Variants in SIK3 observed in about 807,000 individuals in gnomAD.
SIK3 encodes the protein SIK family kinase 3.
In SIK3, 28 loss-of-function variants were observed where a neutral mutation model predicts 144.2. The ratio of observed to expected loss-of-function variants is 0.19; its 90% CI spans 0.14 to 0.27. The LOEUF (loss-of-function observed/expected upper bound fraction) is 0.27. Among genes scored for constraint, SIK3 ranks in the 10% least tolerant of loss-of-function variants. The pLI, the probability that SIK3 is intolerant of heterozygous loss-of-function variation, is 1.00. For missense variants in SIK3, 1,319 were observed against 1,776.0 expected (o/e 0.74, Z 4.62); for synonymous variants, 686 against 676.3 (o/e 1.01, Z -0.22).
intron 1 of SIK3, among the ~76,000 whole-genome samples, chr11:116,996,814 T>G (rs1301889612): frequency 1.3e-5 from 1 of 77,846 alleles, no homozygotes; most frequent in Non-Finnish European, 2.2e-5. Context: ...AGGGAGACTC[T>G]CTCTCAAAAA....
intron 14 of SIK3, among the ~76,000 whole-genome samples, 182 bp from the exon 15 acceptor site, chr11:116,868,271 G>C (rs1943762957): frequency 6.6e-6 from 1 of 152,230 alleles, no homozygotes; most frequent in Non-Finnish European, 1.5e-5. Context: ...AACAGAAGTT[G>C]GCTTGACAAT....
At chr11:116,908,428 G>A (rs746297501) in intron 4 of SIK3, among the ~76,000 whole-genome samples, 1 of 152,136 alleles carries the variant, frequency 6.6e-6, no homozygotes, top group Non-Finnish European at 1.5e-5. Context: ...GCTGTGGGCT[G>A]TGATCACGCC....
chr11:117,078,111 G>C (rs2136036539), intron 1 of SIK3, among the ~76,000 whole-genome samples: 1 of 152,306 alleles, frequency 6.6e-6, no homozygotes, highest in South Asian at 2.1e-4. Flanking sequence ...TGTTCCATTA[G>C]CTCAGTTCCC....
At position 116,870,330 on chromosome 11, in the gene SIK3, C is replaced by T; in HGVS notation, c.1808+1G>A. On this transcript the variant is annotated splice_donor_variant, in intron 14 of 24. Coordinates refer to ENST00000445177, the MANE Select transcript of SIK3 (RefSeq NM_001366686.3). LOFTEE classifies it high-confidence loss of function. ...GCAAGCACTGCCAGATGTCACATTACCTCTGCACAGCTTCCTGGTCTGGCT... is the reference window on the plus strand; with the variant it reads ...GCAAGCACTGCCAGATGTCACATTATCTCTGCACAGCTTCCTGGTCTGGCT... The T allele has an allele frequency of 6.2e-7, 1 of 1,613,740 alleles. No homozygotes were observed. Among genetic ancestry groups the T allele is most frequent in the Non-Finnish European group, 8.5e-7 (1 of 1,180,010 alleles).
intron 4 of SIK3, among the ~76,000 whole-genome samples, chr11:116,916,811 A>T (rs7928298): frequency 0.12 from 17,195 of 143,860 alleles, 2,109 homozygotes; most frequent in African/African-American, 0.32. Context: ...AAAAAAAAAA[A>T]TTTTTTTTTT....
At chr11:116,951,630 C>T (rs1317423037) in intron 3 of SIK3, among the ~76,000 whole-genome samples, 1 of 152,242 alleles carries the variant, frequency 6.6e-6, no homozygotes, top group South Asian at 2.1e-4. Context: ...GACCAAGAAA[C>T]GGATCTCTCT....
chr11:116,910,942 G>A (rs1402189753), intron 4 of SIK3, among the ~76,000 whole-genome samples: 2 of 152,192 alleles, frequency 1.3e-5, no homozygotes, highest in African/African-American at 2.4e-5. Context: ...GAAAAAGTGA[G>A]GATTGTGCTA....
At chr11:116,963,234 T>C (rs1480145567) in intron 1 of SIK3, among the ~76,000 whole-genome samples, 1 of 152,246 alleles carries the variant, frequency 6.6e-6, no homozygotes. Flanking sequence ...TGCCCTTGTG[T>C]GCAGCCATTC....
chr11:116,993,179 A>C (rs1201383300), intron 1 of SIK3, among the ~76,000 whole-genome samples: 1 of 152,132 alleles, frequency 6.6e-6, no homozygotes, highest in East Asian at 1.9e-4. Context: ...GAGCCACTGC[A>C]CTCACCCAAA....
chr11:117,075,912 G>A (rs551423878), intron 1 of SIK3, among the ~76,000 whole-genome samples: 2 of 131,832 alleles, frequency 1.5e-5, no homozygotes, highest in Admixed American at 8.9e-5. Context: ...TGCAATGCAC[G>A]ATCTCGGCTC....
At chr11:116,986,529 C>G (rs563706399) in intron 1 of SIK3, among the ~76,000 whole-genome samples, 1 of 152,184 alleles carries the variant, frequency 6.6e-6, no homozygotes, top group Non-Finnish European at 1.5e-5. Context: ...CAACAGATGA[C>G]TTAGCTTTGA....
chr11:116,907,464 C>G (rs1979023), intron 4 of SIK3, among the ~76,000 whole-genome samples: 1 of 152,154 alleles, frequency 6.6e-6, no homozygotes, highest in African/African-American at 2.4e-5. Context: ...CTGGCCAACA[C>G]GGCAAAACCC....
At chr11:116,921,831 T>C (rs1946996864) in intron 4 of SIK3, among the ~76,000 whole-genome samples, 1 of 152,200 alleles carries the variant, frequency 6.6e-6, no homozygotes, top group South Asian at 2.1e-4. Flanking sequence ...GTTATTCACC[T>C]GGGCTTTATT....
intron 2 of SIK3, among the ~76,000 whole-genome samples, chr11:116,955,220 A>G (rs1297122307): frequency 6.6e-6 from 1 of 152,158 alleles, no homozygotes; most frequent in East Asian, 1.9e-4. Context: ...CAACACAGTG[A>G]AACCCCGTTT....
intron 1 of SIK3, among the ~76,000 whole-genome samples, chr11:117,085,088 ATCTT>A (rs975483266): frequency 1.9e-4 from 29 of 151,752 alleles, no homozygotes; most frequent in African/African-American, 4.3e-4. Context: ...GTGCTAATCA[ATCTT>A]TCTTTCTTTC....
At chr11:116,925,799 A>G (rs1452379798) in intron 4 of SIK3, among the ~76,000 whole-genome samples, 2 of 152,230 alleles carry the variant, frequency 1.3e-5, no homozygotes, top group Non-Finnish European at 2.9e-5. Flanking sequence ...AGAGCTTTGG[A>G]GAAAATAAAA....
intron 1 of SIK3, among the ~76,000 whole-genome samples, chr11:117,023,413 GATTT>G (rs1565567159): frequency 7.7e-6 from 1 of 129,978 alleles, no homozygotes; most frequent in Non-Finnish European, 1.6e-5. Context: ...TACACCTGAT[GATTT>G]TTTTTTTTTT....
At chr11:116,896,451 G>A in intron 5 of SIK3, 75 bp from the exon 6 acceptor site, 1 of 1,502,718 alleles carries the variant, frequency 6.7e-7, no homozygotes, top group South Asian at 1.2e-5. Context: ...GTGTGTGTAT[G>A]CAGATGATGG....
chr11:117,010,440 C>T (rs1951207904), intron 1 of SIK3, among the ~76,000 whole-genome samples: 1 of 152,152 alleles, frequency 6.6e-6, no homozygotes, highest in African/African-American at 2.4e-5. Flanking sequence ...GCTGTGTTCT[C>T]ATGGGTATTG....
Sources: gnomAD v4.1 joint callset for allele counts (sites outside exome capture counted in the v4.1 genomes callset) on GRCh38, gnomAD v4.1.1 for gene constraint, MANE v1.5 for transcripts, NCBI Gene and HGNC (gene_info 2026-07-23, HGNC 2026-07-21) for gene names.